The following PIDD1 variants were observed in gnomAD, a reference collection of about 807,000 sequenced individuals.
PIDD1 encodes p53-induced death domain protein 1.
Under a neutral mutation model 80.0 loss-of-function variants are expected in PIDD1, and 72 were observed. That is an observed-to-expected ratio of 0.90 (90% CI 0.74 to 1.09). PIDD1 has a LOEUF of 1.09. Ranked by LOEUF, PIDD1 falls within the 50% of genes least tolerant of loss-of-function variation. The pLI, the probability that PIDD1 is intolerant of heterozygous loss-of-function variation, is 0.00. For synonymous variants in PIDD1, 655 were observed against 543.5 expected (o/e 1.21, Z -2.85); for missense variants, 1,329 against 1,228.3 (o/e 1.08, Z -1.23).
rs1318978271 is a variant in PIDD1 at position 799,243 on chromosome 11, T to G, written c.*64A>C. The G allele has an allele frequency of 8.8e-6, 13 of 1,470,060 alleles. No individual in the cohort carries two copies. Among genetic ancestry groups the G allele is most frequent in the Non-Finnish European group, 1.2e-5 (13 of 1,101,464 alleles). 91.1% of individuals were successfully genotyped at this position (1,470,060 alleles called of 1,614,324 possible). ...ACCCGTCCCCACACACTGGAGAGAC[T>G]TGAAGGTGGGGGCTCTGCCCATCCA... On this transcript the variant is annotated 3_prime_UTR_variant, in exon 16 of 16. Transcript: ENST00000347755.
rs1865613691 is a variant in PIDD1, at chr11:804,236, C to T, written c.153G>A (p.Leu51=). Residue 51 remains leucine, a synonymous_variant, in exon 2 of 16, where the codon CTG becomes CTA. Transcript: ENST00000347755. ...DLYPGGCQQL[L]HLCVQQPLQL... is the part of the protein sequence containing the mutation. ...GCAGAGGCTGCTGGACACACAGGTG[C>T]AGCAGCTGCTGGCAGCCCCCGGGGT... 2 of 1,612,926 alleles carry T rather than the reference C, an allele frequency of 1.2e-6. No homozygotes were observed. Among genetic ancestry groups the T allele is most frequent in the African/African-American group, 2.7e-5 (2 of 74,944 alleles).
chr11:804,580 A>T (rs1435512120), intron 1 of PIDD1, 117 bp from the exon 2 acceptor site: 2 of 1,039,110 alleles, frequency 1.9e-6, no homozygotes, highest in African/African-American at 3.2e-5. Flanking sequence ...CCTGGGCTGC[A>T]GAGTGGGGGA....
chr11:800,292 G>A (rs549433354), intron 13 of PIDD1, 41 bp downstream of exon 13: 20 of 1,612,432 alleles, frequency 1.2e-5, no homozygotes, highest in East Asian at 6.7e-5. Flanking sequence ...CTGCCCAAGC[G>A]GCCTGGGGGG....
chr11:804,334 C>A lies in PIDD1; in HGVS notation c.55G>T (p.Ala19Ser), dbSNP rs756139963. ...GACCCTGCGTCCGAATCCTCTGAAG[C>A]ATCTCCTGCGGCAGCAGCTGCCTCC... ...ELEAAAAAGD[A>S]SEDSDAGSRA... The change falls in exon 2 of 16, where the codon GCT becomes TCT. Residue 19 changes from alanine (A) to serine (S), a missense_variant. Physicochemically the swap from Ala to Ser is moderately conservative, Grantham distance 99. Coordinates refer to ENST00000347755, the MANE Select transcript of PIDD1 (RefSeq NM_145886.4). 6.2e-7 allele frequency: 1 copy of A among 1,610,826 alleles called. No individual in the cohort carries two copies. Among genetic ancestry groups the A allele is most frequent in the East Asian group, 2.2e-5 (1 of 44,816 alleles).
rs145877817 is a variant in PIDD1, at chr11:802,257, G to A, written c.1114C>T (p.Pro372Ser). ...ACATGGCTGAGCAGGGCGTCATGAG[G>A]ACCCAGGGGGACGAGGCCTGGCTCC... ...LPEPGLVPLG[P>S]HDALLSHVLE... The change falls in exon 6 of 16, where the codon CCT becomes TCT. Residue 372 changes from proline (P) to serine (S), a missense_variant. By Grantham distance (74) the Pro-to-Ser change is moderately conservative. Transcript: ENST00000347755. 4.2e-5 allele frequency: 68 copies of A among 1,611,878 alleles called. No homozygotes were observed. In the African/African-American group the frequency reaches 8.5e-4, roughly 20 times the overall value.
In PIDD1 at chr11:799,552, CA is replaced by C; in HGVS notation, c.2487del (p.Asp829GlufsTer115). ...RIRHEFRDDLDEQIRHMLFSW... is the reference protein window; with the variant it reads ...RIRHEFRDDLXEQIRHMLFSW... ...GAGAAGAGCATGTGACGGATCTGCT[CA>C]TCCAGATCATCCCTGCAGGCAGAGG... On this transcript the variant is annotated frameshift_variant, in exon 16 of 16. Coordinates refer to ENST00000347755, the MANE Select transcript of PIDD1 (RefSeq NM_145886.4). LOFTEE classifies it low-confidence loss of function (END_TRUNC). The C allele has an allele frequency of 6.3e-7, 1 of 1,598,584 alleles. No individual in the cohort carries two copies. Among genetic ancestry groups the C allele is most frequent in the African/African-American group, 1.3e-5 (1 of 74,978 alleles).
In PIDD1 at chr11:803,576, G is replaced by A. The variant is rs765584346; in HGVS notation, c.307C>T (p.Arg103Trp). Residue 103 changes from arginine (R) to tryptophan (W), a missense_variant, in exon 3 of 16, where the codon CGG becomes TGG. Transcript: ENST00000347755. The part of the protein sequence containing the change: ...RSLVLKGGQR[R>W]DTLGACLRGA... ...CGGAGACAGGCACCCAGTGTGTCCC[G>A]GCGTTGCCCTCCTGGGAAGGGGGGA... The A allele has an allele frequency of 8.7e-6, 14 of 1,607,538 alleles. No homozygotes were observed. Among genetic ancestry groups the A allele is most frequent in the South Asian group, 2.2e-5 (2 of 90,686 alleles).
intron 15 of PIDD1, 27 bp downstream of exon 15, chr11:799,788 G>A (rs1203743189): frequency 5.3e-6 from 8 of 1,509,174 alleles, no homozygotes; most frequent in Admixed American, 2.1e-5. Context: ...CCTGGGGCTG[G>A]CAGCCAGCGG....
At position 804,464 on chromosome 11, in the gene PIDD1, C is replaced by G; in HGVS notation, c.-75-1G>C. The stretch of plus-strand genomic sequence containing the variant: ...CCTGTCCAGGCAGCGCCCGGGGAAG[C>G]TGCAGAGGCAGGAGGAGGAGTGAGC... On this transcript the variant is annotated splice_acceptor_variant, in intron 1 of 15. Coordinates refer to ENST00000347755, the MANE Select transcript of PIDD1 (RefSeq NM_145886.4). LOFTEE classifies it low-confidence loss of function (5UTR_SPLICE). The G allele has an allele frequency of 6.7e-6, 10 of 1,502,066 alleles. No individual in the cohort carries two copies. Among genetic ancestry groups the G allele is most frequent in the Non-Finnish European group, 8.8e-6 (10 of 1,131,870 alleles). The allele number at this position is 1,502,066 out of a possible 1,614,324, so 93.0% of individuals were successfully genotyped here.
chr11:807,843 T>C (rs1034916940), upstream of PIDD1, among the ~76,000 whole-genome samples: 2 of 152,190 alleles, frequency 1.3e-5, no homozygotes, highest in African/African-American at 4.8e-5. Context: ...TCAGGGCAAC[T>C]TGAATCTATG....
intron 7 of PIDD1, 101 bp downstream of exon 7, chr11:801,863 AC>A: frequency 6.9e-7 from 1 of 1,450,232 alleles, no homozygotes. Context: ...TCCAGGAGGG[AC>A]GGGGCAGGGT....
In PIDD1 at chr11:805,159, C is replaced by T. The variant is rs1401305518; in HGVS notation, c.-76+20G>A. ...AACGTGTCCCCGCCGCCCCCTCCGC[C>T]CGCCCAGGCCGGCGCGTACCTGCGC... On this transcript the variant is annotated intron_variant, in intron 1 of 15. Transcript: ENST00000347755. The T allele has an allele frequency of 2.0e-6, 2 of 977,262 alleles. No homozygotes were observed. Among genetic ancestry groups the T allele is most frequent in the Non-Finnish European group, 1.2e-6 (1 of 822,628 alleles). The allele number at this position is 977,262 out of a possible 1,614,324, so 60.5% of individuals were successfully genotyped here.
At position 800,463 on chromosome 11, in the gene PIDD1, G is replaced by C; in HGVS notation, c.2042-12C>G. The C allele has an allele frequency of 6.2e-7, 1 of 1,611,986 alleles. No individual in the cohort carries two copies. The highest frequency in any genetic ancestry group is 8.5e-7 in the Non-Finnish European group (1 of 1,179,972). ...ACAGTCAGGGCGGTCTAGGGGACAG[G>C]GGTGGGCTGAGCAAGGAGGGCTCGG... is the stretch of plus-strand genomic sequence containing the variant. On this transcript the variant is annotated splice_polypyrimidine_tract_variant and intron_variant, in intron 12 of 15. Coordinates refer to ENST00000347755, the MANE Select transcript of PIDD1 (RefSeq NM_145886.4).
intron 13 of PIDD1, 37 bp downstream of exon 13, chr11:800,296 T>C: frequency 5.0e-6 from 8 of 1,612,528 alleles, no homozygotes; most frequent in Non-Finnish European, 5.9e-6. Context: ...CCAAGCGGCC[T>C]GGGGGGCCTC....
chr11:803,614 C>T (rs1432291103), intron 2 of PIDD1, 27 bp from the exon 3 acceptor site: 2 of 1,584,338 alleles, frequency 1.3e-6, no homozygotes, highest in African/African-American at 1.3e-5. Context: ...CGGATGTGGC[C>T]CTCAGAGCCA....
Position 803,329 on chromosome 11 carries a change from G to A in PIDD1, c.554C>T (p.Thr185Met), listed in dbSNP as rs1565066449. The A allele has an allele frequency of 8.1e-6, 13 of 1,613,976 alleles. No individual in the cohort carries two copies. Among genetic ancestry groups the A allele is most frequent in the Middle Eastern group, 1.6e-4 (1 of 6,062 alleles). ...TAGGGCCCCCAGTGCTGGGGGCAGC[G>A]TCTGCAGGCGGTTGTGTGTCACTGT... ...FLTVTHNRLQ[T>M]LPPALGALST... The change falls in exon 3 of 16, where the codon ACG becomes ATG. Residue 185 changes from threonine to methionine, a missense_variant. Coordinates refer to ENST00000347755, the MANE Select transcript of PIDD1 (RefSeq NM_145886.4).
Position 801,523 on chromosome 11 carries a change from C to A in PIDD1, c.1404G>T (p.Leu468=). ...TGACCCCAGGATGACCCGAGGAGCA[C>A]AGCAGTGTCCCCTCCGGTGGCACCA... ...ACLVPPEGTL[L]CSSGHPGVKV... is the part of the protein sequence containing the mutation. The change falls in exon 8 of 16, where the codon CTG becomes CTT. Residue 468 remains leucine, a synonymous_variant. Coordinates refer to ENST00000347755, the MANE Select transcript of PIDD1 (RefSeq NM_145886.4). 1 of 1,564,166 alleles carries A rather than the reference C, an allele frequency of 6.4e-7. No homozygotes were observed. The highest frequency in any genetic ancestry group is 8.7e-7 in the Non-Finnish European group (1 of 1,154,372).
chr11:803,755 T>C (rs1390564105), intron 2 of PIDD1, 168 bp from the exon 3 acceptor site: 4 of 742,674 alleles, frequency 5.4e-6, no homozygotes, highest in Admixed American at 2.8e-5. Context: ...TGCCCGCAAA[T>C]GGAAGGAGGC....
chr11:805,712 A>G (rs11246316), upstream of PIDD1: 476,754 of 983,234 alleles, frequency 0.48, 119,086 homozygotes, highest in Admixed American at 0.55. Flanking sequence ...TGGGCCTGCA[A>G]AGACCCTTCC....
Sources: gnomAD v4.1 joint callset for allele counts (sites outside exome capture counted in the v4.1 genomes callset) on GRCh38, gnomAD v4.1.1 for gene constraint, MANE v1.5 for transcripts, NCBI Gene and HGNC (gene_info 2026-07-23, HGNC 2026-07-21) for gene names.